The following TGFBR2 variants were observed in gnomAD, a reference collection of about 807,000 sequenced individuals.
TGFBR2 encodes transforming growth factor beta receptor 2, also known as TGF-beta receptor type-2.
A neutral mutation model predicts 49.0 loss-of-function variants in TGFBR2; 18 were observed. The observed-to-expected ratio is 0.37, with a 90% CI of 0.25 to 0.54. The LOEUF is 0.54. Among genes scored for constraint, TGFBR2 ranks in the 20% least tolerant of loss-of-function variants. TGFBR2 has a pLI of 0.85. For synonymous variants in TGFBR2, 282 were observed against 275.9 expected (o/e 1.02, Z -0.22); for missense variants, 525 against 722.6 (o/e 0.73, Z 3.13).
chr3:30,685,689 T>G (rs1176559164), intron 5 of TGFBR2, among the ~76,000 whole-genome samples: 1 of 151,734 alleles, frequency 6.6e-6, no homozygotes, highest in Non-Finnish European at 1.5e-5. Context: ...CCTCTGAGAG[T>G]AAGGCGGTCA....
chr3:30,681,620 T>C (rs540488786), intron 5 of TGFBR2, among the ~76,000 whole-genome samples: 25 of 151,842 alleles, frequency 1.6e-4, no homozygotes, highest in South Asian at 8.3e-4. Context: ...GGGAGGGAGA[T>C]GGAAGTAAGA....
Position 30,671,882 on chromosome 3 carries a change from C to T in TGFBR2, c.699C>T (p.Asn233=). 1 of 1,614,222 alleles carries T rather than the reference C, an allele frequency of 6.2e-7. No individual in the cohort carries two copies. The highest frequency in any genetic ancestry group is 8.5e-7 in the Non-Finnish European group (1 of 1,180,036). ...CTGACATCAGCTCCACGTGTGCCAA[C>T]AACATCAACCACAACACAGAGCTGC... The part of the protein sequence containing the change: ...DRSDISSTCA[N]NINHNTELLP... The change falls in exon 4 of 7, where the codon AAC becomes AAT. Residue 233 remains asparagine, a synonymous_variant. Coordinates refer to ENST00000295754, the MANE Select transcript of TGFBR2 (RefSeq NM_003242.6).
At chr3:30,606,559 T>C, upstream of TGFBR2, 1 of 298,410 alleles carries the variant, frequency 3.4e-6, no homozygotes, top group Non-Finnish European at 6.2e-6. Flanking sequence ...GGCGAGGAGT[T>C]TCCTGTTTCC....
At chr3:30,669,860 C>T (rs1186506842) in intron 3 of TGFBR2, among the ~76,000 whole-genome samples, 1 of 152,198 alleles carries the variant, frequency 6.6e-6, no homozygotes, top group Non-Finnish European at 1.5e-5. Flanking sequence ...ACTTCCATAC[C>T]CTTACTATCT....
At chr3:30,620,163 G>A (rs1357839572) in intron 1 of TGFBR2, among the ~76,000 whole-genome samples, 2 of 152,184 alleles carry the variant, frequency 1.3e-5, no homozygotes, top group African/African-American at 2.4e-5. Flanking sequence ...CTCCAGCCTA[G>A]GCGACAGAGT....
At chr3:30,630,514 A>G (rs940045058) in intron 1 of TGFBR2, among the ~76,000 whole-genome samples, 1 of 152,208 alleles carries the variant, frequency 6.6e-6, no homozygotes, top group Non-Finnish European at 1.5e-5. Context: ...GACTGTGTGC[A>G]TGGTTCTCAT....
rs1170618919 is a variant in TGFBR2 at position 30,688,610 on chromosome 3, T to C, written c.1524+99T>C. ...TATTGAGCTTAAATCTGAGGGAAGG[T>C]CCCATTGTGTTCTATGGCCCTGTTA... On this transcript the variant is annotated intron_variant, in intron 6 of 6. Coordinates refer to ENST00000295754, the MANE Select transcript of TGFBR2 (RefSeq NM_003242.6). 8 of 1,515,948 alleles carry C rather than the reference T, an allele frequency of 5.3e-6. No individual in the cohort carries two copies. In the East Asian group the frequency reaches 7.0e-5, roughly 13 times the overall value. The allele number at this position is 1,515,948 out of a possible 1,614,324, so 93.9% of individuals were successfully genotyped here.
At chr3:30,622,332 C>T (rs570868972) in intron 1 of TGFBR2, among the ~76,000 whole-genome samples, 8 of 152,238 alleles carry the variant, frequency 5.3e-5, no homozygotes, top group African/African-American at 1.9e-4. Flanking sequence ...TCAGACTCAG[C>T]AGTTCAAGAT....
At chr3:30,679,148 G>T (rs545457595) in intron 5 of TGFBR2, among the ~76,000 whole-genome samples, 9 of 152,306 alleles carry the variant, frequency 5.9e-5, no homozygotes, top group African/African-American at 2.2e-4. Flanking sequence ...CACTTAACTA[G>T]TCTGTTTTTA....
chr3:30,638,485 C>A (rs1489505334), intron 1 of TGFBR2, among the ~76,000 whole-genome samples: 1 of 152,140 alleles, frequency 6.6e-6, no homozygotes, highest in Non-Finnish European at 1.5e-5. Context: ...ACCCCAGAGA[C>A]CATGTGGACT....
At position 30,606,895 on chromosome 3, in the gene TGFBR2, G is replaced by T; in HGVS notation, c.12G>T (p.Gly4=). ...CAGCGGGGTCTGCCATGGGTCGGGG[G>T]CTGCTCAGGGGCCTGTGGCCGCTGC... The part of the protein sequence containing the change: MGR[G]LLRGLWPLHI... Residue 4 remains glycine (G), a synonymous_variant, in exon 1 of 7, where the codon GGG becomes GGT. Transcript: ENST00000295754. 6.3e-7 allele frequency: 1 copy of T among 1,576,082 alleles called. No homozygotes were observed. Among genetic ancestry groups the T allele is most frequent in the Non-Finnish European group, 8.6e-7 (1 of 1,158,906 alleles).
chr3:30,644,930 TAAG>T lies in TGFBR2; in HGVS notation c.263+19_263+21del. 1 of 1,610,970 alleles carries T rather than the reference TAAG, an allele frequency of 6.2e-7. No individual in the cohort carries two copies. The highest frequency in any genetic ancestry group is 8.5e-7 in the Non-Finnish European group (1 of 1,177,170). On this transcript the variant is annotated intron_variant, in intron 2 of 6. Coordinates refer to ENST00000295754, the MANE Select transcript of TGFBR2 (RefSeq NM_003242.6). Reference sequence around the variant, plus strand: ...GTGGCTGTATGGTAAGCAAGCCTTTTAAGAAGTTATTCTTTCTTTTCCCCTTTT... The same window carrying T: ...GTGGCTGTATGGTAAGCAAGCCTTTTAAGTTATTCTTTCTTTTCCCCTTTT...
chr3:30,650,141 C>T (rs147355927), intron 2 of TGFBR2, 129 bp from the exon 3 acceptor site: 35 of 897,322 alleles, frequency 3.9e-5, no homozygotes, highest in East Asian at 2.2e-4. Context: ...AACCAGCTGC[C>T]GTTGTTAGGA....
intron 1 of TGFBR2, among the ~76,000 whole-genome samples, chr3:30,618,832 T>C (rs1489060096): frequency 6.6e-6 from 1 of 152,244 alleles, no homozygotes; most frequent in Non-Finnish European, 1.5e-5. Flanking sequence ...TTCTCTTGAA[T>C]TGCTCAACAT....
intron 3 of TGFBR2, among the ~76,000 whole-genome samples, chr3:30,659,604 A>T (rs1699077412): frequency 6.6e-6 from 1 of 151,102 alleles, no homozygotes; most frequent in Non-Finnish European, 1.5e-5. Context: ...TCTGGTTGTG[A>T]ATATTTGTAC....
At chr3:30,611,664 G>A (rs1284801695) in intron 1 of TGFBR2, among the ~76,000 whole-genome samples, 1 of 148,682 alleles carries the variant, frequency 6.7e-6, no homozygotes, top group Non-Finnish European at 1.5e-5. Flanking sequence ...TATTTTTTAA[G>A]TTTCTTTTTT....
rs9867701 is a variant in TGFBR2 at position 30,643,191 on chromosome 3, G to A, written c.95-1556G>A. On this transcript the variant is annotated intron_variant, in intron 1 of 6. Transcript: ENST00000295754. The stretch of plus-strand genomic sequence containing the variant: ...AAAGTGTTCCTCTCTAGGCAAGAGC[G>A]GAGGGAACATGAGGCTTTTCTTAGG... Among the ~76,000 whole-genome samples, 105,034 of 152,122 alleles carry A rather than the reference G, an allele frequency of 0.69. 36,744 individuals are homozygous for A. The highest frequency in any genetic ancestry group is 0.82 in the African/African-American group (33,890 of 41,528).
intron 5 of TGFBR2, among the ~76,000 whole-genome samples, chr3:30,684,172 G>A (rs1009338180): frequency 1.2e-4 from 18 of 151,990 alleles, no homozygotes; most frequent in Non-Finnish European, 1.3e-4. Flanking sequence ...TTGCCTGATC[G>A]CTGCAATTGA....
intron 1 of TGFBR2, among the ~76,000 whole-genome samples, chr3:30,631,233 G>T (rs1698431410): frequency 6.6e-6 from 1 of 151,848 alleles, no homozygotes. Flanking sequence ...GTAGAGACGG[G>T]GTTTCGCCAT....
Sources: gnomAD v4.1 joint callset for allele counts (sites outside exome capture counted in the v4.1 genomes callset) on GRCh38, gnomAD v4.1.1 for gene constraint, MANE v1.5 for transcripts, NCBI Gene and HGNC (gene_info 2026-07-23, HGNC 2026-07-21) for gene names.